PARD3: variants seen among roughly 807,000 people sequenced by gnomAD.
The protein encoded by PARD3 is partitioning defective 3 homolog.
PARD3 carries 75 observed loss-of-function variants against 155.4 expected under a neutral mutation model. That is an observed-to-expected ratio of 0.48 (90% CI 0.40 to 0.58). The LOEUF is 0.58. PARD3 is among the 20% of genes least tolerant of loss of function. The probability of loss-of-function intolerance (pLI) is 0.00; values close to 1 mark genes in which losing one functional copy is unlikely to be tolerated. For missense variants in PARD3, 1,642 were observed against 1,721.7 expected (o/e 0.95, Z 0.82); for synonymous variants, 576 against 610.5 (o/e 0.94, Z 0.83).
intron 1 of PARD3, among the ~76,000 whole-genome samples, chr10:34,768,314 A>G (rs1178955841): frequency 7.3e-6 from 1 of 137,680 alleles, no homozygotes; most frequent in Non-Finnish European, 1.6e-5. Context: ...ATCAATCAAT[A>G]TATGTAAGAT....
chr10:34,709,152 T>C (rs1175330665), intron 1 of PARD3, among the ~76,000 whole-genome samples: 1 of 152,136 alleles, frequency 6.6e-6, no homozygotes, highest in Non-Finnish European at 1.5e-5. Flanking sequence ...GCACATGAGA[T>C]TTCTCGAAGA....
At chr10:34,174,710 T>C (rs1053576044) in intron 22 of PARD3, among the ~76,000 whole-genome samples, 3 of 152,208 alleles carry the variant, frequency 2.0e-5, no homozygotes, top group African/African-American at 7.2e-5. Flanking sequence ...TCTACAGAGG[T>C]GCCTCAATAT....
At chr10:34,262,087 C>T (rs1446637957) in intron 22 of PARD3, among the ~76,000 whole-genome samples, 3 of 152,086 alleles carry the variant, frequency 2.0e-5, no homozygotes, top group African/African-American at 7.2e-5. Flanking sequence ...AGGATGGCTG[C>T]ATCAGAGTCA....
At chr10:34,719,424 T>A (rs1210138458) in intron 1 of PARD3, among the ~76,000 whole-genome samples, 1 of 152,202 alleles carries the variant, frequency 6.6e-6, no homozygotes, top group Non-Finnish European at 1.5e-5. Flanking sequence ...ATCCCTCCAA[T>A]CTTGTTTAAT....
chr10:34,520,039 T>G (rs2133675432), intron 2 of PARD3, among the ~76,000 whole-genome samples: 1 of 152,136 alleles, frequency 6.6e-6, no homozygotes. Flanking sequence ...CTCTCCTGCC[T>G]CCAATCCAAG....
At chr10:34,168,195 C>T (rs1051644775) in intron 22 of PARD3, among the ~76,000 whole-genome samples, 4 of 152,054 alleles carry the variant, frequency 2.6e-5, no homozygotes, top group Non-Finnish European at 1.5e-5. Flanking sequence ...AATACCTCCT[C>T]CAACAGAAAT....
chr10:34,638,807 G>T (rs948490071), intron 2 of PARD3, among the ~76,000 whole-genome samples: 3 of 152,226 alleles, frequency 2.0e-5, no homozygotes, highest in Non-Finnish European at 4.4e-5. Flanking sequence ...CAGCAGGCTT[G>T]CTCTGATGTG....
At chr10:34,413,533 C>A (rs1845341415) in intron 5 of PARD3, among the ~76,000 whole-genome samples, 1 of 151,248 alleles carries the variant, frequency 6.6e-6, no homozygotes, top group Non-Finnish European at 1.5e-5. Flanking sequence ...TGTCATTAGG[C>A]AATTTCTAAA....
chr10:34,472,737 A>G (rs2078436438), intron 3 of PARD3, among the ~76,000 whole-genome samples: 1 of 152,186 alleles, frequency 6.6e-6, no homozygotes, highest in South Asian at 2.1e-4. Context: ...GCAGTACCCA[A>G]TATCTATAGT....
chr10:34,667,892 A>G (rs2093525901), intron 2 of PARD3, among the ~76,000 whole-genome samples: 1 of 152,204 alleles, frequency 6.6e-6, no homozygotes, highest in Admixed American at 6.5e-5. Flanking sequence ...AGGAGAAACC[A>G]TCTGCTGCTT....
chr10:34,217,467 T>A (rs891919676), intron 22 of PARD3, among the ~76,000 whole-genome samples: 7 of 152,190 alleles, frequency 4.6e-5, no homozygotes, highest in African/African-American at 1.7e-4. Flanking sequence ...TCATTATTAC[T>A]GTCATCCTTA....
At chr10:34,687,159 C>T (rs1186040027) in intron 2 of PARD3, among the ~76,000 whole-genome samples, 1 of 152,002 alleles carries the variant, frequency 6.6e-6, no homozygotes, top group East Asian at 1.9e-4. Flanking sequence ...ATTTCAAAAG[C>T]AAAAATTATT....
chr10:34,774,598 A>T (rs1040883323), intron 1 of PARD3, among the ~76,000 whole-genome samples: 5 of 152,268 alleles, frequency 3.3e-5, no homozygotes. Flanking sequence ...CACATGACAC[A>T]ATGCAACTGT....
chr10:34,137,158 T>C (rs558770225), intron 22 of PARD3, among the ~76,000 whole-genome samples: 1 of 152,364 alleles, frequency 6.6e-6, no homozygotes, highest in South Asian at 2.1e-4. Context: ...GCAGGTTTGT[T>C]ACCTAGCTAA....
At chr10:34,236,472 A>G (rs1007139405) in intron 22 of PARD3, among the ~76,000 whole-genome samples, 1 of 152,242 alleles carries the variant, frequency 6.6e-6, no homozygotes, top group South Asian at 2.1e-4. Flanking sequence ...ACATTTTCCG[A>G]TAATGAGTAT....
intron 5 of PARD3, 126 bp from the exon 6 acceptor site, chr10:34,402,043 G>T: frequency 1.3e-6 from 1 of 776,198 alleles, no homozygotes; most frequent in Non-Finnish European, 2.3e-6. Flanking sequence ...CCTCTAAGAA[G>T]GATGACCTTT....
At chr10:34,472,690 G>A (rs1049651509) in intron 3 of PARD3, among the ~76,000 whole-genome samples, 2 of 152,134 alleles carry the variant, frequency 1.3e-5, no homozygotes, top group African/African-American at 4.8e-5. Context: ...CTCAGAAGAG[G>A]AGGCCTTTAA....
intron 22 of PARD3, among the ~76,000 whole-genome samples, chr10:34,186,303 C>T (rs532398696): frequency 2.0e-5 from 3 of 147,902 alleles, no homozygotes; most frequent in East Asian, 4.0e-4. Context: ...AAGGCTGTAG[C>T]GGGCTATGAT....
At chr10:34,579,937 A>G (rs1051125411) in intron 2 of PARD3, among the ~76,000 whole-genome samples, 2 of 150,606 alleles carry the variant, frequency 1.3e-5, no homozygotes, top group Non-Finnish European at 1.5e-5. Context: ...TTTGAGATGG[A>G]GTCTTACTCT....
Sources: allele counts gnomAD v4.1 joint callset (sites outside exome capture counted in the v4.1 genomes callset), GRCh38; gene constraint gnomAD v4.1.1; transcripts MANE v1.5; gene names NCBI Gene and HGNC (gene_info 2026-07-23, HGNC 2026-07-21).